KANTR: variants seen among roughly 807,000 people sequenced by gnomAD.
KANTR encodes the protein KANTR integral membrane protein, also known as KDM5C adjacent transcript.
At chrX:53,125,426 CT>C (rs1409671624) in exon 3 of KANTR, 4 of 111,561 alleles carry the variant, frequency 3.6e-5, no homozygotes, top group Non-Finnish European at 7.6e-5. Context: ...TACCATCATA[CT>C]TTTTTATTTC....
intron 2 of KANTR, among the ~76,000 whole-genome samples, chrX:53,139,605 G>A (rs1383522776): frequency 8.9e-6 from 1 of 112,101 alleles, no homozygotes; most frequent in African/African-American, 3.2e-5. Context: ...GATTGCTTGA[G>A]GCCAGGAGTT....
intron 2 of KANTR, among the ~76,000 whole-genome samples, chrX:53,106,542 A>G (rs1556812840): frequency 9.1e-6 from 1 of 109,346 alleles, no homozygotes. Flanking sequence ...AGCTGACACT[A>G]CAAGTGTGAG....
downstream of KANTR, chrX:53,142,734 G>T: frequency 2.3e-6 from 1 of 426,283 alleles, no homozygotes; most frequent in Non-Finnish European, 4.4e-6. Context: ...ACATCTGCTC[G>T]CAGTCCATTT....
intron 2 of KANTR, among the ~76,000 whole-genome samples, chrX:53,135,655 CAT>C (rs1264451794): frequency 1.8e-5 from 2 of 112,093 alleles, no homozygotes; most frequent in East Asian, 2.8e-4. Flanking sequence ...GCAAACTAAA[CAT>C]AGTAATGCGC....
chrX:53,129,337 C>T (rs1933332489), downstream of KANTR, among the ~76,000 whole-genome samples: 1 of 108,073 alleles, frequency 9.3e-6, no homozygotes, highest in South Asian at 4.1e-4. Flanking sequence ...GATCCGCCTG[C>T]CTTGACCTCC....
At chrX:53,117,620 T>G (rs1263747835) in intron 2 of KANTR, among the ~76,000 whole-genome samples, 1 of 96,314 alleles carries the variant, frequency 1.0e-5, no homozygotes, top group Admixed American at 1.2e-4. Context: ...TTTTTTTTTT[T>G]TTTTTTTTTT....
At chrX:53,096,377 C>T (rs1932845059) in intron 1 of KANTR, among the ~76,000 whole-genome samples, 1 of 112,344 alleles carries the variant, frequency 8.9e-6, no homozygotes, top group African/African-American at 3.2e-5. Context: ...AGGTTTTTCA[C>T]CTACATTACT....
At chrX:53,130,952 A>G (rs1933354933), downstream of KANTR, among the ~76,000 whole-genome samples, 1 of 111,336 alleles carries the variant, frequency 9.0e-6, no homozygotes, top group Non-Finnish European at 1.9e-5. Flanking sequence ...ATATGGGGGA[A>G]CAGTGACAGA....
At chrX:53,143,474 C>T (rs1173048671), downstream of KANTR, 10 of 588,914 alleles carry the variant, frequency 1.7e-5, no homozygotes, top group Admixed American at 2.3e-5. Context: ...GCCAGTGATG[C>T]GCCCAGAGGC....
rs188261458 is a variant in KANTR at position 53,134,011 on chromosome X, T to G, written n.204-7837T>G. On this transcript the variant is annotated intron_variant and non_coding_transcript_variant, in intron 2 of 2. Transcript: ENST00000366185. ...CCTTCCATAACCAGCTTAGCTTCCATAACCAGCAAAACAAAACAATACCTT... is the reference window on the plus strand; with the variant it reads ...CCTTCCATAACCAGCTTAGCTTCCAGAACCAGCAAAACAAAACAATACCTT... Among the ~76,000 whole-genome samples, 6 of 111,426 alleles carry G rather than the reference T, an allele frequency of 5.4e-5. No individual in the cohort carries two copies. The Admixed American group carries it at 5.8e-4, about 11-fold the overall frequency.
At chrX:53,137,513 C>G (rs1246543493) in intron 2 of KANTR, among the ~76,000 whole-genome samples, 1 of 111,630 alleles carries the variant, frequency 9.0e-6, no homozygotes, top group Non-Finnish European at 1.9e-5. Flanking sequence ...GCCTGTAATC[C>G]CGGCACTTTG....
At chrX:53,137,309 C>G (rs1556817804) in intron 2 of KANTR, among the ~76,000 whole-genome samples, 1 of 112,172 alleles carries the variant, frequency 8.9e-6, no homozygotes, top group African/African-American at 3.2e-5. Flanking sequence ...CTGGACTATT[C>G]AAGGCCTTTC....
chrX:53,099,657 G>A, intron 2 of KANTR, 49 bp downstream of exon 2: 1 of 111,808 alleles, frequency 8.9e-6, no homozygotes, highest in Non-Finnish European at 1.9e-5. Context: ...GGATCCATCA[G>A]AGGAATCACT....
At chrX:53,133,687 G>A (rs1468469886) in intron 2 of KANTR, among the ~76,000 whole-genome samples, 2 of 111,685 alleles carry the variant, frequency 1.8e-5, no homozygotes, top group Non-Finnish European at 3.8e-5. Flanking sequence ...ATTGAGGGTG[G>A]GGGCTGGTCA....
At chrX:53,120,409 A>C (rs1933200149) in intron 2 of KANTR, among the ~76,000 whole-genome samples, 1 of 111,557 alleles carries the variant, frequency 9.0e-6, no homozygotes, top group African/African-American at 3.3e-5. Context: ...ATTGCAGTGA[A>C]TCTGTAGATC....
At chrX:53,128,793 C>T (rs782277080), downstream of KANTR, among the ~76,000 whole-genome samples, 4 of 109,174 alleles carry the variant, frequency 3.7e-5, no homozygotes, top group East Asian at 8.5e-4. Flanking sequence ...TTTTTTTTAG[C>T]GATTGGCCTT....
At chrX:53,126,324 G>A (rs1199020815) in exon 3 of KANTR, 1 of 110,826 alleles carries the variant, frequency 9.0e-6, no homozygotes, top group Non-Finnish European at 1.9e-5. Context: ...TTGGAATACA[G>A]TTAGTCATAT....
At chrX:53,095,446 C>T (rs1932839272) in intron 1 of KANTR, among the ~76,000 whole-genome samples, 1 of 102,636 alleles carries the variant, frequency 9.7e-6, no homozygotes, top group Admixed American at 1.1e-4. Context: ...CCCAACATTG[C>T]TTTTTTTTTT....
Position 53,107,222 on chromosome X carries a change from C to G in KANTR, c.-805+7614C>G, listed in dbSNP as rs1176392490. Among the ~76,000 whole-genome samples the G allele has an allele frequency of 3.0e-5, 3 of 101,613 alleles. 1 individual carries two copies. Among genetic ancestry groups the G allele is most frequent in the African/African-American group, 1.1e-4 (3 of 26,747 alleles). The allele number at this position is 101,613 out of a possible 115,157, so 88.2% of individuals were successfully genotyped here. A position where few individuals can be genotyped will look rare whatever the true frequency, so the allele number is the denominator to read the frequency against. On this transcript the variant is annotated intron_variant, in intron 2 of 2. Transcript: ENST00000604062. ...TTTCTTTTACAGATAGGATCTTTCT[C>G]TGTTGCTCAGGCTGGAGTGCAATGG...
Sources: allele counts gnomAD v4.1 joint callset (sites outside exome capture counted in the v4.1 genomes callset), GRCh38; gene constraint gnomAD v4.1.1; transcripts MANE v1.5; gene names NCBI Gene and HGNC (gene_info 2026-07-23, HGNC 2026-07-21).